LIN54: variants seen among roughly 807,000 people sequenced by gnomAD.
The protein encoded by LIN54 is lin-54 DREAM MuvB core complex component.
Under a neutral mutation model 78.7 loss-of-function variants are expected in LIN54, and 9 were observed. The observed-to-expected ratio is 0.11, with a 90% CI of 0.07 to 0.20. The LOEUF (loss-of-function observed/expected upper bound fraction) is 0.20. Among genes scored for constraint, LIN54 ranks in the 10% least tolerant of loss-of-function variants. The pLI is 1.00. For missense variants in LIN54, 573 were observed against 889.9 expected (o/e 0.64, Z 4.53); for synonymous variants, 269 against 318.4 (o/e 0.84, Z 1.65).
chr4:82,964,075 G>C lies in LIN54; in HGVS notation c.951+6252C>G, dbSNP rs1190835688. Among the ~76,000 whole-genome samples the C allele has an allele frequency of 2.0e-5, 3 of 148,780 alleles. No homozygotes were observed. In the East Asian group the frequency reaches 5.9e-4, roughly 29 times the overall value. ...TCCCTCCTTTTTTTTTTTTGAGACG[G>C]AGTCTCACTCTGTTGCCCAGGCTGA... On this transcript the variant is annotated intron_variant, in intron 4 of 12. Coordinates refer to ENST00000340417, the MANE Select transcript of LIN54 (RefSeq NM_194282.4).
chr4:82,947,207 T>A (rs1396934848), intron 4 of LIN54, among the ~76,000 whole-genome samples: 4 of 76,224 alleles, frequency 5.2e-5, no homozygotes, highest in East Asian at 8.2e-4. Flanking sequence ...AAAAAAAAAT[T>A]TATATATATA....
chr4:82,984,068 C>T, intron 2 of LIN54, 93 bp downstream of exon 2: 1 of 823,788 alleles, frequency 1.2e-6, no homozygotes, highest in East Asian at 2.5e-5. Context: ...TCAGTAACAA[C>T]TATGTATTTA....
At chr4:82,963,967 AT>A (rs746900205) in intron 4 of LIN54, among the ~76,000 whole-genome samples, 6 of 152,076 alleles carry the variant, frequency 3.9e-5, no homozygotes, top group Non-Finnish European at 8.8e-5. Flanking sequence ...AAATGCCTTA[AT>A]TTTTTATGTA....
chr4:82,983,110 C>T lies in LIN54; in HGVS notation c.684+1051G>A, dbSNP rs371497089. On this transcript the variant is annotated intron_variant, in intron 2 of 12. Coordinates refer to ENST00000340417, the MANE Select transcript of LIN54 (RefSeq NM_194282.4). Reference sequence around the variant, plus strand: ...GCAACCTCTGCCTCCCGGGTTCAACCGATTCTCCTGTCTCAGCCTCCTGAG... The same window carrying T: ...GCAACCTCTGCCTCCCGGGTTCAACTGATTCTCCTGTCTCAGCCTCCTGAG... 1.1e-4 allele frequency among the ~76,000 whole-genome samples: 17 copies of T among 151,786 alleles called. No individual in the cohort carries two copies. The East Asian group carries it at 2.1e-3, about 19-fold the overall frequency.
chr4:83,004,591 G>A (rs1051581217), intron 1 of LIN54, among the ~76,000 whole-genome samples: 4 of 152,098 alleles, frequency 2.6e-5, no homozygotes, highest in African/African-American at 4.8e-5. Flanking sequence ...CTGGGCTCAA[G>A]TGATCCTCCC....
intron 3 of LIN54, among the ~76,000 whole-genome samples, chr4:82,974,835 A>C (rs1417748666): frequency 6.8e-6 from 1 of 146,180 alleles, no homozygotes; most frequent in Non-Finnish European, 1.5e-5. Context: ...CTCCAGCCTG[A>C]GTGACAGAGT....
At chr4:82,998,589 GAA>G (rs1408663692) in intron 1 of LIN54, among the ~76,000 whole-genome samples, 2 of 151,012 alleles carry the variant, frequency 1.3e-5, no homozygotes, top group Non-Finnish European at 3.0e-5. Context: ...AAGAGAGAAA[GAA>G]AAGAGAGAAA....
chr4:82,958,000 A>G (rs552698749), intron 4 of LIN54, among the ~76,000 whole-genome samples: 1 of 152,270 alleles, frequency 6.6e-6, no homozygotes, highest in African/African-American at 2.4e-5. Context: ...ATACTACACA[A>G]CTTAGCACCT....
At chr4:82,949,419 T>A (rs766853211) in intron 4 of LIN54, among the ~76,000 whole-genome samples, 75 of 151,066 alleles carry the variant, frequency 5.0e-4, no homozygotes, top group Non-Finnish European at 1.2e-4. Context: ...GTTGTTGAGA[T>A]GGAGTTTCAC....
intron 4 of LIN54, among the ~76,000 whole-genome samples, chr4:82,949,845 CTTTTTT>C (rs370091580): frequency 7.9e-6 from 1 of 126,462 alleles, no homozygotes; most frequent in South Asian, 2.5e-4. Flanking sequence ...TTTATTTTTG[CTTTTTT>C]TTTTTTTTTT....
chr4:82,935,769 A>G (rs1436061898), intron 11 of LIN54, among the ~76,000 whole-genome samples: 7 of 152,038 alleles, frequency 4.6e-5, no homozygotes. Context: ...ACCCAGTAAG[A>G]CCCCAAGCTG....
intron 1 of LIN54, among the ~76,000 whole-genome samples, chr4:82,999,560 T>C (rs1200888539): frequency 6.6e-6 from 1 of 151,860 alleles, no homozygotes; most frequent in Non-Finnish European, 1.5e-5. Flanking sequence ...GCAGATCACT[T>C]GAGGTCAGGA....
intron 3 of LIN54, among the ~76,000 whole-genome samples, chr4:82,971,290 GTTAA>G (rs2126071729): frequency 6.6e-6 from 1 of 152,254 alleles, no homozygotes; most frequent in South Asian, 2.1e-4. Context: ...CCATCTTGTA[GTTAA>G]GTTAGAGTCA....
At chr4:82,964,232 G>A (rs1030144034) in intron 4 of LIN54, among the ~76,000 whole-genome samples, 1 of 152,100 alleles carries the variant, frequency 6.6e-6, no homozygotes, top group Admixed American at 6.5e-5. Context: ...TGTATTTTTA[G>A]TAGAGATGGG....
At chr4:82,998,335 G>C (rs150490616) in intron 1 of LIN54, among the ~76,000 whole-genome samples, 1 of 151,854 alleles carries the variant, frequency 6.6e-6, no homozygotes, top group Non-Finnish European at 1.5e-5. Context: ...ACGAGGTCAG[G>C]AGTTCAAGAA....
At position 82,939,714 on chromosome 4, in the gene LIN54, G is replaced by A. The variant is rs1350717626; in HGVS notation, c.1265C>T (p.Pro422Leu). 5.0e-6 allele frequency: 8 copies of A among 1,613,894 alleles called. No homozygotes were observed. Among genetic ancestry groups the A allele is most frequent in the Non-Finnish European group, 1.7e-6 (2 of 1,179,970 alleles). Residue 422 changes from proline (P) to leucine (L), a missense_variant, in exon 7 of 13, where the codon CCA (proline) becomes CTA (leucine). By Grantham distance (98) the Pro-to-Leu change is moderately conservative. This residue lies in a region of LIN54 where 199 missense variants were observed against 260.9 expected (regional missense o/e 0.76). Transcript: ENST00000340417. ...VKQVVPKPIN[P>L]TSQIVTTSQP... ...GCTAGTAGTTACTATTTGTGAAGTT[G>A]GATTGATTGGTTTTGGAACAACCTA...
chr4:82,973,968 T>C (rs1725901959), intron 3 of LIN54, among the ~76,000 whole-genome samples: 1 of 152,116 alleles, frequency 6.6e-6, no homozygotes, highest in African/African-American at 2.4e-5. Context: ...CCCAGCACTT[T>C]GGGAGGACAA....
At chr4:82,976,323 T>G (rs1726156037) in intron 3 of LIN54, among the ~76,000 whole-genome samples, 1 of 149,940 alleles carries the variant, frequency 6.7e-6, no homozygotes, top group African/African-American at 2.5e-5. Context: ...AAATATAAAA[T>G]CATCTTGACT....
At chr4:82,973,884 C>A (rs1326466990) in intron 3 of LIN54, among the ~76,000 whole-genome samples, 2 of 152,160 alleles carry the variant, frequency 1.3e-5, no homozygotes, top group East Asian at 3.9e-4. Flanking sequence ...CATATTCATG[C>A]AACAATATGC....
Sources: allele counts gnomAD v4.1 joint callset (sites outside exome capture counted in the v4.1 genomes callset), GRCh38; gene constraint gnomAD v4.1.1; regional missense constraint gnomAD v4.1.1; transcripts MANE v1.5; gene names NCBI Gene and HGNC (gene_info 2026-07-23, HGNC 2026-07-21).